BBS9: variants seen among roughly 807,000 people sequenced by gnomAD.
BBS9 encodes protein PTHB1.
In BBS9, 89 loss-of-function variants were observed where a neutral mutation model predicts 117.7. The ratio of observed to expected loss-of-function variants is 0.76; its 90% confidence interval spans 0.64 to 0.90. BBS9 has a LOEUF of 0.90. BBS9 is among the 40% of genes least tolerant of loss of function. The probability of loss-of-function intolerance (pLI) is 0.00; values close to 1 mark genes in which losing one functional copy is unlikely to be tolerated. For synonymous variants in BBS9, 379 were observed against 370.9 expected (o/e 1.02, Z -0.25); for missense variants, 982 against 1,042.2 (o/e 0.94, Z 0.80).
chr7:33,528,150 A>C (rs1849948509), intron 20 of BBS9, among the ~76,000 whole-genome samples: 4 of 152,194 alleles, frequency 2.6e-5, no homozygotes, highest in Admixed American at 1.3e-4. Context: ...TCTATTGAAG[A>C]GGAAATTTTT....
Position 33,322,062 on chromosome 7 carries a change from G to C in BBS9, c.1017-14379G>C, listed in dbSNP as rs529614686. ...TATGTTGAACTATACCAGCATCCTAGGGATATATCCCACTTGGTCCTAATG... is the reference window on the plus strand; with the variant it reads ...TATGTTGAACTATACCAGCATCCTACGGATATATCCCACTTGGTCCTAATG... On this transcript the variant is annotated intron_variant, in intron 9 of 22. Transcript: ENST00000242067. Among the ~76,000 whole-genome samples, 4 of 152,036 alleles carry C rather than the reference G, an allele frequency of 2.6e-5. No individual in the cohort carries two copies. In the East Asian group the frequency reaches 7.7e-4, roughly 29 times the overall value.
At chr7:33,344,432 T>C in intron 11 of BBS9, 149 bp from the exon 12 acceptor site, 2 of 794,636 alleles carry the variant, frequency 2.5e-6, no homozygotes, top group Non-Finnish European at 4.3e-6. Context: ...AAAAGCCAGA[T>C]TGTCTCTTTT....
At chr7:33,562,825 G>C (rs1189265799) in intron 21 of BBS9, among the ~76,000 whole-genome samples, 3 of 152,124 alleles carry the variant, frequency 2.0e-5, no homozygotes, top group Non-Finnish European at 2.9e-5. Context: ...TCGGGAAGCT[G>C]AGGCAGAAGA....
At chr7:33,516,276 G>A (rs1847773262) in intron 20 of BBS9, among the ~76,000 whole-genome samples, 1 of 151,718 alleles carries the variant, frequency 6.6e-6, no homozygotes, top group Non-Finnish European at 1.5e-5. Context: ...AGATCATGAG[G>A]TCAGGAGTTC....
chr7:33,422,146 G>C (rs933383961), intron 19 of BBS9, among the ~76,000 whole-genome samples: 2 of 152,078 alleles, frequency 1.3e-5, no homozygotes, highest in Non-Finnish European at 2.9e-5. Context: ...TTGTATGTAC[G>C]GTTATAGCTG....
At chr7:33,362,605 T>C (rs1466573550) in intron 16 of BBS9, among the ~76,000 whole-genome samples, 4 of 152,226 alleles carry the variant, frequency 2.6e-5, no homozygotes, top group Non-Finnish European at 2.9e-5. Flanking sequence ...CTTAATTTTG[T>C]TCCATTGATA....
At chr7:33,243,616 C>T (rs1794884019) in intron 5 of BBS9, among the ~76,000 whole-genome samples, 1 of 152,054 alleles carries the variant, frequency 6.6e-6, no homozygotes, top group Non-Finnish European at 1.5e-5. Context: ...GAATAGGAAC[C>T]AGTTTTTCTT....
At chr7:33,271,130 G>T (rs1352519343) in intron 7 of BBS9, among the ~76,000 whole-genome samples, 1 of 152,188 alleles carries the variant, frequency 6.6e-6, no homozygotes, top group Non-Finnish European at 1.5e-5. Context: ...ATGTGAAGGA[G>T]AAATAAGGAT....
intron 9 of BBS9, among the ~76,000 whole-genome samples, chr7:33,295,226 C>T (rs1805012122): frequency 6.6e-6 from 1 of 151,978 alleles, no homozygotes; most frequent in Non-Finnish European, 1.5e-5. Context: ...AATTCTTAAA[C>T]CATAGTGGAT....
At chr7:33,167,861 C>T (rs368067139) in intron 4 of BBS9, among the ~76,000 whole-genome samples, 20 of 152,054 alleles carry the variant, frequency 1.3e-4, no homozygotes, top group African/African-American at 3.4e-4. Context: ...TCAGGAACTG[C>T]GTTAAAATTA....
At chr7:33,581,631 G>C (rs1441722726) in intron 21 of BBS9, among the ~76,000 whole-genome samples, 1 of 152,164 alleles carries the variant, frequency 6.6e-6, no homozygotes. Context: ...AGTATCACCT[G>C]CCAAGAGGGT....
At chr7:33,364,243 C>T (rs1821220595) in intron 16 of BBS9, among the ~76,000 whole-genome samples, 1 of 31,912 alleles carries the variant, frequency 3.1e-5, no homozygotes, top group Non-Finnish European at 6.7e-5. Flanking sequence ...CCACCGCGCC[C>T]GGCCTTCACT....
chr7:33,606,468 G>A (rs779479808), downstream of BBS9, among the ~76,000 whole-genome samples: 6 of 152,146 alleles, frequency 3.9e-5, no homozygotes, highest in Non-Finnish European at 8.8e-5. Context: ...AAGCTATGTG[G>A]ACATTACATG....
intron 20 of BBS9, among the ~76,000 whole-genome samples, chr7:33,511,615 A>G (rs563390080): frequency 1.3e-5 from 2 of 152,340 alleles, no homozygotes; most frequent in East Asian, 1.9e-4. Context: ...TGAACTTAAA[A>G]ATCCCCTGGG....
At chr7:33,400,363 A>G (rs1246838754) in intron 19 of BBS9, among the ~76,000 whole-genome samples, 4 of 152,196 alleles carry the variant, frequency 2.6e-5, no homozygotes, top group African/African-American at 7.2e-5. Context: ...AGAAAAATAC[A>G]TAAGTGGCCT....
intron 21 of BBS9, among the ~76,000 whole-genome samples, chr7:33,621,748 C>T (rs186630892): frequency 6.2e-4 from 95 of 152,220 alleles, no homozygotes; most frequent in Non-Finnish European, 1.1e-3. Flanking sequence ...CCATTATTCA[C>T]CATAGCCAAG....
At chr7:33,311,930 C>G (rs1328981184) in intron 9 of BBS9, among the ~76,000 whole-genome samples, 2 of 152,006 alleles carry the variant, frequency 1.3e-5, no homozygotes, top group Non-Finnish European at 1.5e-5. Flanking sequence ...TTGTAAGAAA[C>G]CTGCTTTCCC....
chr7:33,404,319 C>T (rs1217012491), intron 19 of BBS9, among the ~76,000 whole-genome samples: 2 of 152,032 alleles, frequency 1.3e-5, no homozygotes, highest in East Asian at 1.9e-4. Context: ...ATTGACTTGG[C>T]GATGTGGGCT....
intron 19 of BBS9, among the ~76,000 whole-genome samples, chr7:33,416,926 A>G (rs924197015): frequency 9.9e-5 from 15 of 152,168 alleles, no homozygotes; most frequent in African/African-American, 2.7e-4. Flanking sequence ...GTTTCTTTCT[A>G]TGAAAATCTT....
Sources: gnomAD v4.1 joint callset for allele counts (sites outside exome capture counted in the v4.1 genomes callset) on GRCh38, gnomAD v4.1.1 for gene constraint, MANE v1.5 for transcripts, NCBI Gene and HGNC (gene_info 2026-07-23, HGNC 2026-07-21) for gene names.